The following VPS13A variants were observed in gnomAD, a reference collection of about 807,000 sequenced individuals.
The protein encoded by VPS13A is intermembrane lipid transfer protein VPS13A.
A neutral mutation model predicts 390.9 loss-of-function variants in VPS13A; 264 were observed. The observed-to-expected ratio is 0.68, with a 90% CI of 0.61 to 0.75. The LOEUF (loss-of-function observed/expected upper bound fraction) is 0.75. VPS13A is among the 30% of genes least tolerant of loss of function. VPS13A has a pLI of 0.00. For missense variants in VPS13A, 3,409 were observed against 3,733.9 expected (o/e 0.91, Z 2.27); for synonymous variants, 1,231 against 1,227.1 (o/e 1.00, Z -0.07).
chr9:77,396,713 A>G (rs1375926485), intron 68 of VPS13A, among the ~76,000 whole-genome samples: 2 of 152,188 alleles, frequency 1.3e-5, no homozygotes, highest in Non-Finnish European at 2.9e-5. Flanking sequence ...AGTTATACTT[A>G]TTAAGTTTTC....
At chr9:77,410,814 AAG>A (rs1451106667) in intron 71 of VPS13A, among the ~76,000 whole-genome samples, 11 of 152,164 alleles carry the variant, frequency 7.2e-5, no homozygotes, top group Middle Eastern at 3.2e-3. Flanking sequence ...GAGACCTACA[AAG>A]AGACTTAGAC....
intron 39 of VPS13A, among the ~76,000 whole-genome samples, chr9:77,316,714 C>G (rs1829412058): frequency 6.6e-6 from 1 of 152,118 alleles, no homozygotes; most frequent in African/African-American, 2.4e-5. Flanking sequence ...GCTCTTTGGA[C>G]TTTTAAGACT....
intron 7 of VPS13A, among the ~76,000 whole-genome samples, chr9:77,211,056 A>C (rs1199242170): frequency 6.6e-6 from 1 of 152,196 alleles, no homozygotes; most frequent in African/African-American, 2.4e-5. Context: ...ATTGTAGCAT[A>C]GTGTTTTCCT....
chr9:77,313,932 A>T (rs1829235687), intron 35 of VPS13A, 60 bp from the exon 36 acceptor site: 1 of 1,526,558 alleles, frequency 6.6e-7, no homozygotes, highest in Non-Finnish European at 8.9e-7. Context: ...TTTCAAGGGT[A>T]TTTTAATGAG....
chr9:77,261,974 C>T (rs753736560), intron 23 of VPS13A, among the ~76,000 whole-genome samples: 8 of 151,942 alleles, frequency 5.3e-5, no homozygotes, highest in African/African-American at 7.2e-5. Context: ...AAATTTTATT[C>T]GAAGTGAAAA....
Position 77,418,908 on chromosome 9 carries a change from C to T in VPS13A, c.*2902C>T, listed in dbSNP as rs571264058. 6.6e-6 allele frequency: 1 copy of T among 152,202 alleles called. No homozygotes were observed. Among genetic ancestry groups the T allele is most frequent in the Non-Finnish European group, 1.5e-5 (1 of 68,040 alleles). 9.4% of individuals were successfully genotyped at this position (152,202 alleles called of 1,614,324 possible). On this transcript the variant is annotated 3_prime_UTR_variant, in exon 72 of 72. Coordinates refer to ENST00000360280, the MANE Select transcript of VPS13A (RefSeq NM_033305.3). ...AAAGAAAGATTAAATTAAAAGGACT[C>T]TACACAGTGCTGAATTTCCTGCACC...
chr9:77,213,650 G>A (rs118158184), intron 9 of VPS13A, among the ~76,000 whole-genome samples: 3,319 of 151,868 alleles, frequency 0.022, 102 homozygotes, highest in East Asian at 0.12. Context: ...ATAGGCACAC[G>A]CCACCATGCC....
intron 24 of VPS13A, among the ~76,000 whole-genome samples, chr9:77,273,729 C>T (rs1037309820): frequency 4.6e-5 from 7 of 152,160 alleles, no homozygotes; most frequent in Admixed American, 4.6e-4. Flanking sequence ...AAGTATGGTA[C>T]ACAAGGGTAA....
At chr9:77,359,485 A>G in intron 58 of VPS13A, 83 bp downstream of exon 58, 3 of 1,179,924 alleles carry the variant, frequency 2.5e-6, no homozygotes, top group Non-Finnish European at 1.2e-6. Flanking sequence ...TAAATGTTGG[A>G]CAAGTCAAAG....
intron 67 of VPS13A, among the ~76,000 whole-genome samples, chr9:77,374,811 G>A (rs1013462769): frequency 6.6e-6 from 1 of 152,140 alleles, no homozygotes; most frequent in African/African-American, 2.4e-5. Flanking sequence ...TATAACAGAT[G>A]ATAAAATTAA....
At chr9:77,301,287 A>G (rs1053128056) in intron 33 of VPS13A, among the ~76,000 whole-genome samples, 13 of 152,328 alleles carry the variant, frequency 8.5e-5, no homozygotes, top group East Asian at 5.8e-4. Flanking sequence ...AAATACTAGT[A>G]TAGCCATTTA....
chr9:77,396,852 G>A (rs547088230), intron 68 of VPS13A, among the ~76,000 whole-genome samples: 1 of 152,152 alleles, frequency 6.6e-6, no homozygotes, highest in Non-Finnish European at 1.5e-5. Context: ...TAAATTTTAA[G>A]TAGAATCTAT....
chr9:77,200,818 G>A (rs1167294873), intron 2 of VPS13A, among the ~76,000 whole-genome samples: 1 of 152,062 alleles, frequency 6.6e-6, no homozygotes, highest in South Asian at 2.1e-4. Flanking sequence ...TCTAAGAGTT[G>A]TATAGTTTTA....
intron 22 of VPS13A, among the ~76,000 whole-genome samples, chr9:77,256,033 CTTTAGG>C (rs1259046998): frequency 6.6e-6 from 1 of 151,194 alleles, no homozygotes; most frequent in Non-Finnish European, 1.5e-5. Flanking sequence ...TTTCGGGTAG[CTTTAGG>C]TTTAGTTTGC....
intron 31 of VPS13A, among the ~76,000 whole-genome samples, chr9:77,289,946 A>C (rs1827552027): frequency 6.6e-6 from 1 of 151,884 alleles, no homozygotes; most frequent in Admixed American, 6.6e-5. Flanking sequence ...ACACCTGGCT[A>C]ATTTTTGTAT....
chr9:77,302,836 G>T, intron 33 of VPS13A, 79 bp from the exon 34 acceptor site: 1 of 1,417,932 alleles, frequency 7.1e-7, no homozygotes, highest in East Asian at 2.4e-5. Context: ...GCATATAAAA[G>T]GATAAATTTA....
At chr9:77,374,720 T>C (rs1334094111) in intron 67 of VPS13A, among the ~76,000 whole-genome samples, 1 of 152,206 alleles carries the variant, frequency 6.6e-6, no homozygotes, top group Non-Finnish European at 1.5e-5. Flanking sequence ...ACATTGTTTT[T>C]TACTCCAAAT....
intron 26 of VPS13A, 187 bp from the exon 27 acceptor site, chr9:77,279,972 T>G: frequency 2.2e-6 from 1 of 463,828 alleles, no homozygotes; most frequent in South Asian, 2.2e-5. Flanking sequence ...AAGGGAATTG[T>G]GAGGAGAAAT....
intron 53 of VPS13A, 142 bp downstream of exon 53, chr9:77,351,588 A>T: frequency 9.3e-7 from 1 of 1,075,052 alleles, no homozygotes; most frequent in Non-Finnish European, 1.4e-6. Flanking sequence ...CTGGCCAATA[A>T]GGTGAAACCC....
Sources: allele counts gnomAD v4.1 joint callset (sites outside exome capture counted in the v4.1 genomes callset), GRCh38; gene constraint gnomAD v4.1.1; transcripts MANE v1.5; gene names NCBI Gene and HGNC (gene_info 2026-07-23, HGNC 2026-07-21).